DIABLO: variants seen among roughly 807,000 people sequenced by gnomAD.
DIABLO encodes diablo homolog, mitochondrial.
DIABLO carries 32 observed loss-of-function variants against 31.7 expected under a neutral mutation model. The observed-to-expected ratio is 1.01, with a 90% CI of 0.76 to 1.35. The LOEUF (loss-of-function observed/expected upper bound fraction) is 1.35. Ranked by LOEUF, DIABLO falls within the 40% of genes most tolerant of loss-of-function variation. The probability of loss-of-function intolerance (pLI) is 0.00; values close to 1 mark genes in which losing one functional copy is unlikely to be tolerated. For synonymous variants in DIABLO, 132 were observed against 103.2 expected (o/e 1.28, Z -1.69); for missense variants, 316 against 286.4 (o/e 1.10, Z -0.75).
At chr12:122,225,495 C>CT in intron 1 of DIABLO, 1 of 1,034,100 alleles carries the variant, frequency 9.7e-7, no homozygotes, top group Non-Finnish European at 1.2e-6. Context: ...GCCTGGGTGC[C>CT]AGTTGTGTGT....
rs755788729 is a variant in DIABLO, at chr12:122,226,023, G to T, written c.-9C>A. On this transcript the variant is annotated 5_prime_UTR_variant, in exon 1 of 6. Coordinates refer to ENST00000464942, the MANE Select transcript of DIABLO (RefSeq NM_001371333.1). ...CTCTTCAGAGCCGCCATTGTGCAGCGCGCGGACGCCAGACGCACACGCCGG... is the reference window on the plus strand; with the variant it reads ...CTCTTCAGAGCCGCCATTGTGCAGCTCGCGGACGCCAGACGCACACGCCGG... 1.2e-6 allele frequency: 2 copies of T among 1,601,928 alleles called. No individual in the cohort carries two copies. The highest frequency in any genetic ancestry group is 8.5e-7 in the Non-Finnish European group (1 of 1,175,568).
intron 1 of DIABLO, 25 bp downstream of exon 1, chr12:122,225,940 C>T (rs1305799909): frequency 1.9e-6 from 3 of 1,579,050 alleles, no homozygotes; most frequent in East Asian, 4.6e-5. Flanking sequence ...CTGGTCCTGT[C>T]CCCTCTACGC....
intron 3 of DIABLO, chr12:122,217,146 A>G: frequency 2.5e-6 from 1 of 399,308 alleles, no homozygotes; most frequent in East Asian, 5.7e-5. Flanking sequence ...AGGGGAAAAA[A>G]GCTGCTGGAA....
At chr12:122,223,038 G>C (rs1242968700) in intron 2 of DIABLO, among the ~76,000 whole-genome samples, 3 of 151,932 alleles carry the variant, frequency 2.0e-5, no homozygotes, top group African/African-American at 4.8e-5. Context: ...GTCCAAGCCA[G>C]TATCATTTCA....
intron 3 of DIABLO, among the ~76,000 whole-genome samples, chr12:122,217,996 G>C (rs974144741): frequency 6.7e-6 from 1 of 148,874 alleles, no homozygotes; most frequent in African/African-American, 2.5e-5. Flanking sequence ...AAAAAAAAAG[G>C]TTCCTGGGAA....
intron 5 of DIABLO, among the ~76,000 whole-genome samples, chr12:122,213,504 A>AG (rs1954134633): frequency 7.4e-6 from 1 of 134,832 alleles, no homozygotes; most frequent in Non-Finnish European, 1.5e-5. Flanking sequence ...ACCTTGTCTC[A>AG]GGGAAAAAAA....
chr12:122,221,323 T>C (rs1213915815), intron 2 of DIABLO: 1 of 152,194 alleles, frequency 6.6e-6, no homozygotes, highest in Non-Finnish European at 1.5e-5. Flanking sequence ...TCCAGGGATC[T>C]AGCCTGGTTG....
In DIABLO at chr12:122,226,005, G is replaced by C. The variant is rs1330041207; in HGVS notation, c.10C>G (p.Leu4Val). 21 of 1,603,478 alleles carry C rather than the reference G, an allele frequency of 1.3e-5. No individual in the cohort carries two copies. Among genetic ancestry groups the C allele is most frequent in the Non-Finnish European group, 1.7e-5 (20 of 1,176,054 alleles). Residue 4 changes from leucine (L) to valine (V), a missense_variant, in exon 1 of 6, where the codon CTG becomes GTG. By Grantham distance (32) the Leu-to-Val change is conservative. Transcript: ENST00000464942. ...ACGCTGCGCGACAGCCAACTCTTCA[G>C]AGCCGCCATTGTGCAGCGCGCGGAC... MAA[L>V]KSWLSRSVTS...
chr12:122,225,737 G>A (rs1266385018), intron 1 of DIABLO: 1 of 1,431,204 alleles, frequency 7.0e-7, no homozygotes, highest in African/African-American at 1.4e-5. Flanking sequence ...CGGGGTCTCG[G>A]GGACTCGTTT....
At chr12:122,226,419 C>T, upstream of DIABLO, 3 of 680,040 alleles carry the variant, frequency 4.4e-6, no homozygotes, top group Non-Finnish European at 7.9e-6. Context: ...CCGGGCGCGG[C>T]GACGGCGCTG....
chr12:122,225,873 T>G, intron 1 of DIABLO, 92 bp downstream of exon 1: 1 of 1,541,634 alleles, frequency 6.5e-7, no homozygotes. Flanking sequence ...GATGAGCGCG[T>G]AAGGAAGGCG....
At chr12:122,215,218 G>C (rs1954180674) in intron 5 of DIABLO, among the ~76,000 whole-genome samples, 1 of 152,010 alleles carries the variant, frequency 6.6e-6, no homozygotes, top group Non-Finnish European at 1.5e-5. Flanking sequence ...AGAGGCAGAG[G>C]TTGCAGTGAG....
At chr12:122,208,916 AAG>A (rs1262368158) in intron 5 of DIABLO, 2 of 387,558 alleles carry the variant, frequency 5.2e-6, no homozygotes, top group Non-Finnish European at 1.0e-5. Flanking sequence ...CTTTTTGACA[AAG>A]AGATCATGAA....
chr12:122,218,160 G>C, intron 3 of DIABLO, 106 bp downstream of exon 3: 2 of 1,330,908 alleles, frequency 1.5e-6, no homozygotes, highest in Non-Finnish European at 2.1e-6. Context: ...AATAGGCCTG[G>C]CTATGTTTCA....
At chr12:122,214,909 T>A (rs974805509) in intron 5 of DIABLO, among the ~76,000 whole-genome samples, 4 of 152,140 alleles carry the variant, frequency 2.6e-5, no homozygotes, top group African/African-American at 9.7e-5. Context: ...CAGGGTAGTG[T>A]CAAACTCTTG....
rs780474049 is a variant in DIABLO at position 122,224,556 on chromosome 12, TCA to T, written c.137_138del (p.Val46AspfsTer23). On this transcript the variant is annotated frameshift_variant, in exon 2 of 6. Transcript: ENST00000464942. LOFTEE classifies it high-confidence loss of function. ...CACAGGGTTACTCCAAAGCCAATCG[TCA>T]CAGTTTTGTGCCATGGTCTTATCAA... is the stretch of plus-strand genomic sequence containing the variant. The part of the protein sequence containing the change: ...SELIRPWHKT[V>X]TIGFGVTLCA... The T allele has an allele frequency of 1.2e-6, 2 of 1,613,770 alleles. No individual in the cohort carries two copies. The highest frequency in any genetic ancestry group is 2.7e-5 in the African/African-American group (2 of 74,822).
rs1953975155 is a variant in DIABLO at position 122,208,194 on chromosome 12, C to T, written c.*187G>A. The T allele has an allele frequency of 1.4e-6, 1 of 735,978 alleles. No individual in the cohort carries two copies. The highest frequency in any genetic ancestry group is 2.4e-6 in the Non-Finnish European group (1 of 418,704). 45.6% of individuals were successfully genotyped at this position (735,978 alleles called of 1,614,324 possible). A position where few individuals can be genotyped will look rare whatever the true frequency, so the allele number is the denominator to read the frequency against. Reference sequence around the variant, plus strand: ...GGGTGCAGTGCCCAAGGGCTAAGAACCAGGTCCAGCGCAAGCCTGAGACCA... The same window carrying T: ...GGGTGCAGTGCCCAAGGGCTAAGAATCAGGTCCAGCGCAAGCCTGAGACCA... On this transcript the variant is annotated 3_prime_UTR_variant, in exon 6 of 6. Coordinates refer to ENST00000464942, the MANE Select transcript of DIABLO (RefSeq NM_001371333.1).
intron 2 of DIABLO, among the ~76,000 whole-genome samples, chr12:122,223,601 C>G (rs1566028858): frequency 6.6e-6 from 1 of 152,170 alleles, no homozygotes; most frequent in Non-Finnish European, 1.5e-5. Context: ...GCTCCATGCT[C>G]CTCAGACATA....
At chr12:122,213,414 G>A (rs7487194) in intron 5 of DIABLO, among the ~76,000 whole-genome samples, 41 of 151,008 alleles carry the variant, frequency 2.7e-4, no homozygotes, top group African/African-American at 5.1e-4. Flanking sequence ...TGGTAGGATC[G>A]CTTGAGCCCA....
Sources: allele counts gnomAD v4.1 joint callset (sites outside exome capture counted in the v4.1 genomes callset), GRCh38; gene constraint gnomAD v4.1.1; transcripts MANE v1.5; gene names NCBI Gene and HGNC (gene_info 2026-07-23, HGNC 2026-07-21).